ADAMTSL1: variants seen among roughly 807,000 people sequenced by gnomAD.
The protein encoded by ADAMTSL1 is ADAMTS-like protein 1.
ADAMTSL1 carries 126 observed loss-of-function variants against 201.8 expected under a neutral mutation model. The observed-to-expected ratio is 0.62, with a 90% CI of 0.54 to 0.72. The LOEUF is 0.72. ADAMTSL1 is among the 30% of genes least tolerant of loss of function. The pLI is 0.00. For missense variants in ADAMTSL1, 2,679 were observed against 2,277.8 expected, an observed-to-expected ratio of 1.18 and a Z score of -3.59; for synonymous variants, 1,121 against 903.4, an observed-to-expected ratio of 1.24 and a Z score of -4.32.
chr9:18,664,425 A>G (rs1829305938), intron 9 of ADAMTSL1, among the ~76,000 whole-genome samples: 1 of 152,098 alleles, frequency 6.6e-6, no homozygotes, highest in Non-Finnish European at 1.5e-5. Flanking sequence ...TAAAATCGAG[A>G]GTGAACAATG....
At chr9:18,286,543 G>A (rs1338815422) in intron 2 of ADAMTSL1, among the ~76,000 whole-genome samples, 1 of 152,068 alleles carries the variant, frequency 6.6e-6, no homozygotes, top group Admixed American at 6.6e-5. Context: ...AATGATAGTA[G>A]ATACTTTGTG....
intron 20 of ADAMTSL1, among the ~76,000 whole-genome samples, chr9:18,804,358 A>G (rs1376693947): frequency 6.6e-6 from 1 of 152,172 alleles, no homozygotes; most frequent in Non-Finnish European, 1.5e-5. Flanking sequence ...AATAGAGCTG[A>G]CTATTGGTCA....
chr9:18,547,072 T>C lies in ADAMTSL1; in HGVS notation c.237+13780T>C, dbSNP rs544673962. On this transcript the variant is annotated intron_variant, in intron 3 of 28. Transcript: ENST00000380548. Reference sequence around the variant, plus strand: ...TAGAGCAAAATGATGTGTACTTTCTTATTACCATTTAATTTACTATAGCAG... The same window carrying C: ...TAGAGCAAAATGATGTGTACTTTCTCATTACCATTTAATTTACTATAGCAG... Among the ~76,000 whole-genome samples the C allele has an allele frequency of 1.7e-4, 26 of 152,316 alleles. No homozygotes were observed. The South Asian group carries it at 5.2e-3, about 30-fold the overall frequency.
chr9:18,044,727 C>A (rs1243463171), intron 1 of ADAMTSL1, among the ~76,000 whole-genome samples: 5 of 152,082 alleles, frequency 3.3e-5, no homozygotes, highest in Non-Finnish European at 7.4e-5. Flanking sequence ...GGGGCACTTG[C>A]AAATATTATT....
intron 1 of ADAMTSL1, among the ~76,000 whole-genome samples, chr9:17,979,021 T>G (rs1818574881): frequency 6.6e-6 from 1 of 152,074 alleles, no homozygotes; most frequent in African/African-American, 2.4e-5. Flanking sequence ...GCCTGCAAAT[T>G]TTCTGCTCAG....
intron 2 of ADAMTSL1, among the ~76,000 whole-genome samples, chr9:18,380,788 G>T (rs1040858425): frequency 6.6e-6 from 1 of 152,134 alleles, no homozygotes; most frequent in Admixed American, 6.5e-5. Flanking sequence ...GTTCACCTCC[G>T]TTTCTGTCCA....
intron 5 of ADAMTSL1, 55 bp downstream of exon 5, chr9:18,622,424 C>G (rs751694649): frequency 6.2e-7 from 1 of 1,612,650 alleles, no homozygotes; most frequent in Admixed American, 1.7e-5. Context: ...CCTCTCCTGG[C>G]TTAGGTCTGG....
At chr9:18,328,201 T>C (rs1036577641) in intron 2 of ADAMTSL1, among the ~76,000 whole-genome samples, 6 of 152,350 alleles carry the variant, frequency 3.9e-5, no homozygotes, top group Admixed American at 6.5e-5. Context: ...TTATCCAATT[T>C]GTTACTTTTC....
intron 3 of ADAMTSL1, among the ~76,000 whole-genome samples, chr9:18,560,875 G>A (rs984479974): frequency 4.1e-5 from 6 of 148,124 alleles, no homozygotes; most frequent in Non-Finnish European, 6.0e-5. Flanking sequence ...TGTTTATTGC[G>A]TCTATTTGAT....
intron 2 of ADAMTSL1, among the ~76,000 whole-genome samples, chr9:18,189,593 GAT>G (rs1422606851): frequency 6.6e-6 from 1 of 152,220 alleles, no homozygotes; most frequent in Admixed American, 6.5e-5. Flanking sequence ...AAAAGTTACA[GAT>G]ATGTCATAGT....
intron 2 of ADAMTSL1, among the ~76,000 whole-genome samples, chr9:18,440,785 C>T (rs1415973566): frequency 1.3e-5 from 2 of 151,894 alleles, no homozygotes; most frequent in Non-Finnish European, 2.9e-5. Context: ...AGGGGAAAAT[C>T]AAGAGCTTTA....
At chr9:18,247,984 G>T (rs530363921) in intron 2 of ADAMTSL1, among the ~76,000 whole-genome samples, 7 of 152,032 alleles carry the variant, frequency 4.6e-5, no homozygotes, top group Non-Finnish European at 8.8e-5. Context: ...CCTTTTCCAC[G>T]GACTGGGGAA....
chr9:17,984,563 G>A (rs1818846696), intron 1 of ADAMTSL1, among the ~76,000 whole-genome samples: 1 of 151,984 alleles, frequency 6.6e-6, no homozygotes, highest in South Asian at 2.1e-4. Context: ...AAATATTATG[G>A]TGAGGAACAT....
intron 1 of ADAMTSL1, among the ~76,000 whole-genome samples, chr9:18,000,926 A>G: frequency 6.6e-6 from 1 of 152,036 alleles, no homozygotes; most frequent in East Asian, 1.9e-4. Context: ...CCAGGAAGTG[A>G]CTGTCTGATT....
At chr9:18,484,623 T>G (rs1015347993) in intron 1 of ADAMTSL1, among the ~76,000 whole-genome samples, 2 of 152,198 alleles carry the variant, frequency 1.3e-5, no homozygotes, top group African/African-American at 4.8e-5. Flanking sequence ...TTCAGGCAAA[T>G]AAAAGGCCAG....
chr9:17,948,437 C>G (rs931788071), intron 1 of ADAMTSL1, among the ~76,000 whole-genome samples: 20 of 152,194 alleles, frequency 1.3e-4, no homozygotes, highest in Middle Eastern at 3.2e-3. Context: ...GCTTAGAATA[C>G]TTATCCCATC....
At chr9:18,338,863 A>T (rs111842676) in intron 2 of ADAMTSL1, among the ~76,000 whole-genome samples, 4,358 of 152,064 alleles carry the variant, frequency 0.029, 202 homozygotes, top group African/African-American at 0.099. Context: ...CTTATAAGTG[A>T]GAGTATGTGG....
intron 7 of ADAMTSL1, among the ~76,000 whole-genome samples, chr9:18,653,545 G>T (rs1445822849): frequency 2.0e-5 from 3 of 151,668 alleles, no homozygotes; most frequent in Non-Finnish European, 1.5e-5. Context: ...GGGAGCTGAG[G>T]CAGGAGAACT....
At chr9:18,714,523 A>G (rs1832798659) in intron 14 of ADAMTSL1, among the ~76,000 whole-genome samples, 1 of 127,484 alleles carries the variant, frequency 7.8e-6, no homozygotes, top group Admixed American at 8.7e-5. Flanking sequence ...CTCAACACAT[A>G]CACTCTCCCA....
Sources: gnomAD v4.1 joint callset for allele counts (sites outside exome capture counted in the v4.1 genomes callset) on GRCh38, gnomAD v4.1.1 for gene constraint, MANE v1.5 for transcripts, NCBI Gene and HGNC (gene_info 2026-07-23, HGNC 2026-07-21) for gene names.